Variants in MATR3 observed in about 807,000 individuals in gnomAD.
MATR3 encodes matrin-3.
Under a neutral mutation model 85.5 loss-of-function variants are expected in MATR3, and 4 were observed. The ratio of observed to expected loss-of-function variants is 0.05; its 90% CI spans 0.02 to 0.11. The LOEUF is 0.11. Among genes scored for constraint, MATR3 ranks in the 10% least tolerant of loss-of-function variants. The pLI, the probability that MATR3 is intolerant of heterozygous loss-of-function variation, is 1.00. For synonymous variants in MATR3, 336 were observed against 343.1 expected, an observed-to-expected ratio of 0.98 and a Z score of 0.23; for missense variants, 685 against 1,016.1, an observed-to-expected ratio of 0.67 and a Z score of 4.43.
intron 3 of MATR3, among the ~76,000 whole-genome samples, chr5:139,284,857 GTTA>G (rs1484385187): frequency 3.3e-5 from 5 of 152,124 alleles, no homozygotes; most frequent in Admixed American, 3.3e-4. Context: ...ATTATAATAT[GTTA>G]TTATTCTGGG....
rs1755412755 is a variant in MATR3, at chr5:139,319,195, G to A, written c.1435-139G>A. On this transcript the variant is annotated intron_variant, in intron 8 of 14. Transcript: ENST00000394805. ...GGTCAGAAGGATTATGTGAGGCCCA[G>A]GAGTTCCAGGCAAGCCTGGGCAACA... is the stretch of plus-strand genomic sequence containing the variant. 4 of 1,247,808 alleles carry A rather than the reference G, an allele frequency of 3.2e-6. No individual in the cohort carries two copies. In the Admixed American group the frequency reaches 7.7e-5, roughly 24 times the overall value. 77.3% of individuals were successfully genotyped at this position (1,247,808 alleles called of 1,614,324 possible). A position where few individuals can be genotyped will look rare whatever the true frequency, so the allele number is the denominator to read the frequency against.
chr5:139,279,065 A>G (rs1302831011), exon 3 of MATR3: 2 of 464,720 alleles, frequency 4.3e-6, no homozygotes, highest in Non-Finnish European at 8.6e-6. Context: ...CTTCACCTGA[A>G]TGACATCTAC....
chr5:139,326,663 G>T (rs545156647), intron 14 of MATR3, among the ~76,000 whole-genome samples: 23 of 152,212 alleles, frequency 1.5e-4, no homozygotes, highest in Admixed American at 1.2e-3. Flanking sequence ...GACCTCAGGT[G>T]ATCCACCCAC....
chr5:139,318,461 T>C (rs1755369265), intron 7 of MATR3, among the ~76,000 whole-genome samples: 1 of 152,092 alleles, frequency 6.6e-6, no homozygotes, highest in South Asian at 2.1e-4. Flanking sequence ...GTTTTTGTTT[T>C]GTTTTGTGTT....
chr5:139,280,017 T>C (rs1753456069), intron 3 of MATR3: 1 of 152,216 alleles, frequency 6.6e-6, no homozygotes. Flanking sequence ...TATGCACTGC[T>C]GTTCTAGAGC....
rs754659221 is a variant in MATR3, at chr5:139,307,990, G to A, written c.575G>A (p.Arg192His). 4 of 1,614,060 alleles carry A rather than the reference G, an allele frequency of 2.5e-6. No homozygotes were observed. Among genetic ancestry groups the A allele is most frequent in the African/African-American group, 1.3e-5 (1 of 74,914 alleles). The change falls in exon 2 of 15, where the codon CGT becomes CAT. Residue 192 changes from arginine (R) to histidine (H), a missense_variant. Coordinates refer to ENST00000394805, the MANE Select transcript of MATR3 (RefSeq NM_018834.6). The surrounding 1 kb of genome is among the most constrained non-coding windows in gnomAD (Gnocchi z 4.4). ...RHFRRDSFDDRGPSLNPVLDY... is the reference protein window; with the variant it reads ...RHFRRDSFDDHGPSLNPVLDY... ...TTTAGAAGAGATAGTTTTGATGATC[G>A]TGGTCCTAGTCTCAACCCAGTGCTT...
At chr5:139,295,046 C>T (rs1267544293) in intron 1 of MATR3, 1 of 152,138 alleles carries the variant, frequency 6.6e-6, no homozygotes, top group Non-Finnish European at 1.5e-5. Context: ...TGTTTTAAAC[C>T]TTGGCTTAAG....
At chr5:139,324,288 T>C (rs1401159837) in intron 12 of MATR3, among the ~76,000 whole-genome samples, 2 of 122,120 alleles carry the variant, frequency 1.6e-5, no homozygotes, top group Admixed American at 1.0e-4. Context: ...CAGAGCATGA[T>C]TGTTTTTTTT....
At chr5:139,300,510 A>G (rs749118032) in intron 1 of MATR3, among the ~76,000 whole-genome samples, 2 of 152,218 alleles carry the variant, frequency 1.3e-5, no homozygotes, top group South Asian at 2.1e-4. Flanking sequence ...TTTGGATCTC[A>G]GTCCTTTTGC....
intron 2 of MATR3, chr5:139,314,397 C>A (rs1415770727): frequency 1.0e-5 from 4 of 387,722 alleles, no homozygotes; most frequent in Non-Finnish European, 2.0e-5. Context: ...TACTCTTGAT[C>A]TTTATTAACT....
intron 1 of MATR3, 46 bp downstream of exon 1, chr5:139,293,851 C>A: frequency 3.7e-6 from 2 of 543,410 alleles, no homozygotes; most frequent in Non-Finnish European, 5.6e-6. Context: ...GCTGGGGGTT[C>A]TCCGTGTCCG....
At chr5:139,326,420 T>C in intron 14 of MATR3, 136 bp downstream of exon 14, 1 of 804,848 alleles carries the variant, frequency 1.2e-6, no homozygotes, top group Non-Finnish European at 1.9e-6. Flanking sequence ...ACTTTTTATT[T>C]ACTTTTTTTT....
chr5:139,305,394 C>G (rs1032179357), intron 1 of MATR3, among the ~76,000 whole-genome samples: 1 of 152,038 alleles, frequency 6.6e-6, no homozygotes, highest in Admixed American at 6.6e-5. Context: ...TATATAATTT[C>G]TCTTAGGGAA....
intron 3 of MATR3, 56 bp from the exon 4 acceptor site, chr5:139,315,641 C>A: frequency 8.7e-7 from 1 of 1,151,722 alleles, no homozygotes; most frequent in Non-Finnish European, 1.3e-6. Context: ...CCAAACAAGG[C>A]TGTTTTGTGA....
At chr5:139,291,356 T>C (rs575366565), upstream of MATR3, among the ~76,000 whole-genome samples, 3 of 152,372 alleles carry the variant, frequency 2.0e-5, no homozygotes, top group Non-Finnish European at 2.9e-5. Flanking sequence ...GTAAGCTCCA[T>C]GAGGGCAGTG....
intron 9 of MATR3, among the ~76,000 whole-genome samples, chr5:139,321,428 A>G (rs569200249): frequency 2.0e-5 from 3 of 147,494 alleles, no homozygotes; most frequent in Non-Finnish European, 4.5e-5. Flanking sequence ...TGTTGGGATT[A>G]CAGGTGTGAG....
chr5:139,306,319 C>T (rs182939361), intron 1 of MATR3, among the ~76,000 whole-genome samples: 1 of 151,992 alleles, frequency 6.6e-6, no homozygotes. Flanking sequence ...TTGGGCTATT[C>T]TTGTGAAAAG....
chr5:139,301,261 A>G (rs1010888469), intron 1 of MATR3, among the ~76,000 whole-genome samples: 9 of 152,178 alleles, frequency 5.9e-5, no homozygotes, highest in African/African-American at 2.2e-4. Flanking sequence ...TATGTATGAA[A>G]TAGTTGTAGA....
intron 1 of MATR3, among the ~76,000 whole-genome samples, chr5:139,297,948 G>T (rs904920290): frequency 2.0e-5 from 3 of 151,928 alleles, no homozygotes; most frequent in Non-Finnish European, 4.4e-5. Context: ...CTGTGGAGAA[G>T]GAGAGAGTAG....
Sources: allele counts gnomAD v4.1 joint callset (sites outside exome capture counted in the v4.1 genomes callset), GRCh38; gene constraint gnomAD v4.1.1; non-coding constraint Gnocchi (gnomAD v3.1); transcripts MANE v1.5; gene names NCBI Gene and HGNC (gene_info 2026-07-23, HGNC 2026-07-21).